Variants in METAP1 observed in about 807,000 individuals in gnomAD.
METAP1 encodes the protein methionine aminopeptidase 1.
METAP1 carries 28 observed loss-of-function variants against 53.8 expected under a neutral mutation model. That is an observed-to-expected ratio of 0.52 (90% confidence interval 0.39 to 0.71). METAP1 has a LOEUF of 0.71. METAP1 is among the 30% of genes least tolerant of loss of function. The pLI, the probability that METAP1 is intolerant of heterozygous loss-of-function variation, is 0.00. For synonymous variants in METAP1, 181 were observed against 165.7 expected (o/e 1.09, Z -0.71); for missense variants, 389 against 479.8 (o/e 0.81, Z 1.77).
intron 1 of METAP1, among the ~76,000 whole-genome samples, chr4:98,997,761 T>A (rs1248483317): frequency 6.6e-6 from 1 of 152,230 alleles, no homozygotes; most frequent in Non-Finnish European, 1.5e-5. Flanking sequence ...ATTTACATGT[T>A]GGATTCTGCA....
chr4:99,004,179 A>C (rs1230170), intron 1 of METAP1, among the ~76,000 whole-genome samples: 11,973 of 152,198 alleles, frequency 0.079, 645 homozygotes, highest in East Asian at 0.23. Context: ...TCAGCTAGCT[A>C]TTTGGAAACT....
intron 1 of METAP1, among the ~76,000 whole-genome samples, chr4:99,025,982 C>G (rs1475227414): frequency 6.6e-6 from 1 of 152,208 alleles, no homozygotes; most frequent in Non-Finnish European, 1.5e-5. Flanking sequence ...TCCTTCCCCA[C>G]TTTTGAGTTG....
Position 99,034,326 on chromosome 4 carries a change from G to T in METAP1, c.263G>T (p.Arg88Ile). The change falls in exon 3 of 11, where the codon AGA becomes ATA. Residue 88 changes from arginine (R) to isoleucine (I), a missense_variant. Physicochemically the swap from Arg to Ile is moderately conservative, Grantham distance 97. Coordinates refer to ENST00000296411, the MANE Select transcript of METAP1 (RefSeq NM_015143.3). ...WAGYRYTGKLRPHYPLMPTRP... is the reference protein window; with the variant it reads ...WAGYRYTGKLIPHYPLMPTRP... ...GGTTATCGATATACTGGTAAACTCA[G>T]ACCACATTATCCACTGGTGAGTAAA... 3 of 1,529,886 alleles carry T rather than the reference G, an allele frequency of 2.0e-6. No individual in the cohort carries two copies. In the South Asian group the frequency reaches 3.6e-5, roughly 18 times the overall value. The allele number at this position is 1,529,886 out of a possible 1,614,324, so 94.8% of individuals were successfully genotyped here. A position where few individuals can be genotyped will look rare whatever the true frequency, so the allele number is the denominator to read the frequency against.
chr4:99,012,236 G>T (rs1723509396), intron 1 of METAP1, among the ~76,000 whole-genome samples: 1 of 127,010 alleles, frequency 7.9e-6, no homozygotes. Flanking sequence ...TCTTTTTCTA[G>T]TTCTTGAGGT....
Position 99,045,313 on chromosome 4 carries a change from C to G in METAP1, c.787+3C>G. 1 of 1,613,412 alleles carries G rather than the reference C, an allele frequency of 6.2e-7. No individual in the cohort carries two copies. Among genetic ancestry groups the G allele is most frequent in the South Asian group, 1.1e-5 (1 of 90,986 alleles). On this transcript the variant is annotated splice_donor_region_variant and intron_variant, in intron 8 of 10. Transcript: ENST00000296411. Reference sequence around the variant, plus strand: ...CCTGATGCAAGCCATTGATGCAGGTCAGCCTCAGTGTTGAGCACCTATTGG... The same window carrying G: ...CCTGATGCAAGCCATTGATGCAGGTGAGCCTCAGTGTTGAGCACCTATTGG...
At chr4:99,047,854 A>G (rs1726382370) in intron 8 of METAP1, among the ~76,000 whole-genome samples, 1 of 152,228 alleles carries the variant, frequency 6.6e-6, no homozygotes, top group Non-Finnish European at 1.5e-5. Context: ...CATAAAAACT[A>G]AACAGAGCAG....
rs2110377009 is a variant in METAP1, at chr4:99,043,365, A to G, written c.633A>G (p.Leu211=). 6.2e-7 allele frequency: 1 copy of G among 1,601,722 alleles called. No homozygotes were observed. The highest frequency in any genetic ancestry group is 1.1e-5 in the South Asian group (1 of 88,700). The change falls in exon 7 of 11, where the codon TTA becomes TTG. Residue 211 remains leucine (L), a synonymous_variant. Transcript: ENST00000296411. Reference sequence around the variant, plus strand: ...ATGGAATACCAGACAGAAGGCCCTTACAAGAAGGTGACATTGTTAATGGTA... The same window carrying G: ...ATGGAATACCAGACAGAAGGCCCTTGCAAGAAGGTGACATTGTTAATGGTA... ...ICHGIPDRRP[L]QEGDIVNVDI...
At chr4:99,003,910 G>A (rs1035199844) in intron 1 of METAP1, among the ~76,000 whole-genome samples, 3 of 152,222 alleles carry the variant, frequency 2.0e-5, no homozygotes, top group Middle Eastern at 3.4e-3. Flanking sequence ...CTTAGTCCTC[G>A]AAGCTGCCCC....
chr4:99,011,087 A>T (rs978484128), intron 1 of METAP1, among the ~76,000 whole-genome samples: 2 of 151,834 alleles, frequency 1.3e-5, no homozygotes, highest in Non-Finnish European at 2.9e-5. Flanking sequence ...CATGTATAAG[A>T]TCATGTCATC....
intron 1 of METAP1, among the ~76,000 whole-genome samples, chr4:99,016,047 C>T (rs553938077): frequency 2.0e-3 from 305 of 152,188 alleles, no homozygotes; most frequent in African/African-American, 6.5e-3. Context: ...CAGGCTGGCT[C>T]GAGCCTTCCT....
intron 2 of METAP1, 29 bp from the exon 3 acceptor site, chr4:99,034,201 C>T (rs200792282): frequency 9.2e-4 from 1,208 of 1,306,040 alleles, no homozygotes; most frequent in Non-Finnish European, 1.3e-3. Context: ...TCTCCTCCTT[C>T]CTCTCATATC....
chr4:99,024,780 G>A (rs938144662), intron 1 of METAP1, among the ~76,000 whole-genome samples: 1 of 152,194 alleles, frequency 6.6e-6, no homozygotes, highest in Non-Finnish European at 1.5e-5. Context: ...TGGTCTCCAG[G>A]AAGAAGGGTT....
At chr4:99,004,748 A>AT (rs1176365444) in intron 1 of METAP1, among the ~76,000 whole-genome samples, 2 of 151,826 alleles carry the variant, frequency 1.3e-5, no homozygotes, top group South Asian at 2.1e-4. Context: ...TGTTTTTGAA[A>AT]TTTTTTTTAC....
chr4:99,060,508 C>T (rs1199521820), intron 10 of METAP1, among the ~76,000 whole-genome samples: 3 of 151,812 alleles, frequency 2.0e-5, no homozygotes, highest in Admixed American at 6.6e-5. Context: ...GGACTACAGG[C>T]GCCCAACACC....
chr4:99,058,049 C>A (rs1727278915), intron 10 of METAP1, among the ~76,000 whole-genome samples: 1 of 152,006 alleles, frequency 6.6e-6, no homozygotes, highest in Non-Finnish European at 1.5e-5. Context: ...TGCTTGAATT[C>A]TGGTCCCTTT....
chr4:99,059,920 T>C (rs1727418695), intron 10 of METAP1, among the ~76,000 whole-genome samples: 1 of 152,200 alleles, frequency 6.6e-6, no homozygotes, highest in Non-Finnish European at 1.5e-5. Flanking sequence ...AATTTCACTG[T>C]ATAATCTGTT....
intron 4 of METAP1, 62 bp from the exon 5 acceptor site, chr4:99,039,312 A>T: frequency 1.0e-6 from 1 of 958,164 alleles, no homozygotes. Context: ...GTTTATAATT[A>T]TGCAAATAAA....
At chr4:99,020,663 C>T (rs1358861024) in intron 1 of METAP1, among the ~76,000 whole-genome samples, 3 of 152,128 alleles carry the variant, frequency 2.0e-5, no homozygotes, top group Non-Finnish European at 4.4e-5. Flanking sequence ...GAGAAACTGG[C>T]CCCAGCTGCC....
intron 1 of METAP1, among the ~76,000 whole-genome samples, chr4:99,001,958 C>T (rs1266529232): frequency 6.6e-6 from 1 of 152,152 alleles, no homozygotes; most frequent in Non-Finnish European, 1.5e-5. Context: ...AAAAAACGAG[C>T]ATCATTTGGT....
Sources: allele counts gnomAD v4.1 joint callset (sites outside exome capture counted in the v4.1 genomes callset), GRCh38; gene constraint gnomAD v4.1.1; transcripts MANE v1.5; gene names NCBI Gene and HGNC (gene_info 2026-07-23, HGNC 2026-07-21).